The following UCMA variants were observed in gnomAD, a reference collection of about 807,000 sequenced individuals.
The protein encoded by UCMA is upper zone of growth plate and cartilage matrix-associated protein.
A neutral mutation model predicts 21.8 loss-of-function variants in UCMA; 21 were observed. The observed-to-expected ratio is 0.97, with a 90% confidence interval of 0.68 to 1.39. The LOEUF is 1.39. UCMA is among the 40% of genes most tolerant of loss of function. The pLI is 0.00. For synonymous variants in UCMA, 76 were observed against 67.9 expected (o/e 1.12, Z -0.58); for missense variants, 193 against 178.9 (o/e 1.08, Z -0.45).
In UCMA at chr10:13,234,290, C is replaced by T. The variant is rs1416552131; in HGVS notation, c.-32G>A. Reference sequence around the variant, plus strand: ...AGAGGTAGGGGCTCCGTCCAGGACCCACAAGGCAGACCAGGCGTCCTGCAC... The same window carrying T: ...AGAGGTAGGGGCTCCGTCCAGGACCTACAAGGCAGACCAGGCGTCCTGCAC... On this transcript the variant is annotated 5_prime_UTR_variant, in exon 1 of 5. Transcript: ENST00000378681. The T allele has an allele frequency of 3.7e-6, 6 of 1,611,028 alleles. No individual in the cohort carries two copies. The Admixed American group carries it at 1.0e-4, about 27-fold the overall frequency.
chr10:13,228,211 C>T (rs1834850182), intron 4 of UCMA, among the ~76,000 whole-genome samples: 1 of 152,012 alleles, frequency 6.6e-6, no homozygotes, highest in Non-Finnish European at 1.5e-5. Context: ...AGGTGTGCAC[C>T]ATCACGCCTG....
At position 13,222,212 on chromosome 10, in the gene UCMA, AGACAAAGCCACCTGTTAG is replaced by A. The variant is rs754108340; in HGVS notation, c.320-30_320-13del. The stretch of plus-strand genomic sequence containing the variant: ...CCTCTCTTCCTGCTCTGGGGAGGAA[AGACAAAGCCACCTGTTAG>A]GACAGGGGGACTCTGACCTGCCACT... On this transcript the variant is annotated splice_polypyrimidine_tract_variant and intron_variant, in intron 4 of 4. Coordinates refer to ENST00000378681, the MANE Select transcript of UCMA (RefSeq NM_145314.3). The A allele has an allele frequency of 2.5e-6, 4 of 1,612,802 alleles. No homozygotes were observed. Among genetic ancestry groups the A allele is most frequent in the Non-Finnish European group, 2.5e-6 (3 of 1,179,596 alleles).
chr10:13,232,419 C>A (rs1337340131), intron 3 of UCMA, among the ~76,000 whole-genome samples: 1 of 149,794 alleles, frequency 6.7e-6, no homozygotes, highest in African/African-American at 2.5e-5. Context: ...ATTTGCCTGG[C>A]CTAAAATCAT....
chr10:13,229,216 A>G (rs1834863814), intron 4 of UCMA, among the ~76,000 whole-genome samples: 1 of 152,120 alleles, frequency 6.6e-6, no homozygotes, highest in African/African-American at 2.4e-5. Context: ...GATTACAGGC[A>G]TGAGCGACTG....
At chr10:13,223,721 T>G (rs1834788448) in intron 4 of UCMA, among the ~76,000 whole-genome samples, 1 of 152,084 alleles carries the variant, frequency 6.6e-6, no homozygotes, top group African/African-American at 2.4e-5. Flanking sequence ...CCGCCTAATT[T>G]TTATATTTTT....
chr10:13,224,103 C>T (rs1834793741), intron 4 of UCMA, among the ~76,000 whole-genome samples: 2 of 152,254 alleles, frequency 1.3e-5, no homozygotes, highest in Non-Finnish European at 1.5e-5. Context: ...CTGGTAGGAT[C>T]GCTTGAAGCC....
At chr10:13,228,046 G>A (rs1227060915) in intron 4 of UCMA, among the ~76,000 whole-genome samples, 3 of 151,822 alleles carry the variant, frequency 2.0e-5, no homozygotes, top group African/African-American at 7.3e-5. Flanking sequence ...TGGACTCTCT[G>A]GTCTAGGCCT....
At chr10:13,233,510 C>G (rs7893239) in intron 3 of UCMA, 28 bp downstream of exon 3, 483,648 of 1,587,584 alleles carry the variant, frequency 0.3, 76,089 homozygotes, top group Admixed American at 0.47. Flanking sequence ...GTGATGGACG[C>G]GGGATGGGGT....
rs1004090391 is a variant in UCMA at position 13,221,880 on chromosome 10, T to G, written c.*223A>C. ...CTGTAGGTTTGGTACTAGGAGGCCC[T>G]GCAGGCAGTTGCTCACCTCAGAAGA... On this transcript the variant is annotated 3_prime_UTR_variant, in exon 5 of 5. Coordinates refer to ENST00000378681, the MANE Select transcript of UCMA (RefSeq NM_145314.3). The G allele has an allele frequency of 1.8e-5, 10 of 565,450 alleles. No homozygotes were observed. Among genetic ancestry groups the G allele is most frequent in the African/African-American group, 1.3e-4 (7 of 52,910 alleles). The allele number at this position is 565,450 out of a possible 1,614,324, so 35.0% of individuals were successfully genotyped here.
At chr10:13,224,050 A>G (rs1834793231) in intron 4 of UCMA, among the ~76,000 whole-genome samples, 2 of 152,164 alleles carry the variant, frequency 1.3e-5, no homozygotes, top group Admixed American at 1.3e-4. Flanking sequence ...TATGCTGGGC[A>G]TGGTGGCTCA....
chr10:13,233,439 C>T, intron 3 of UCMA, 99 bp downstream of exon 3: 1 of 962,578 alleles, frequency 1.0e-6, no homozygotes, highest in East Asian at 2.4e-5. Flanking sequence ...TCGTGCCCAG[C>T]TGCATCCTGC....
chr10:13,221,820 A>T lies in UCMA; in HGVS notation c.*283T>A, dbSNP rs1834760050. 4.7e-6 allele frequency: 2 copies of T among 428,530 alleles called. No homozygotes were observed. The highest frequency in any genetic ancestry group is 8.4e-6 in the Non-Finnish European group (2 of 238,288). The allele number at this position is 428,530 out of a possible 1,614,324, so 26.5% of individuals were successfully genotyped here. A position where few individuals can be genotyped will look rare whatever the true frequency, so the allele number is the denominator to read the frequency against. Reference sequence around the variant, plus strand: ...TAAGCAAACATGTGATTCTTGACTGATTCTTTTGCTTGGGAACGAAGCCAG... The same window carrying T: ...TAAGCAAACATGTGATTCTTGACTGTTTCTTTTGCTTGGGAACGAAGCCAG... On this transcript the variant is annotated 3_prime_UTR_variant, in exon 5 of 5. Transcript: ENST00000378681.
chr10:13,221,996 C>T lies in UCMA; in HGVS notation c.*107G>A. 1 of 1,189,422 alleles carries T rather than the reference C, an allele frequency of 8.4e-7. No homozygotes were observed. Among genetic ancestry groups the T allele is most frequent in the South Asian group, 1.4e-5 (1 of 73,666 alleles). The allele number at this position is 1,189,422 out of a possible 1,614,324, so 73.7% of individuals were successfully genotyped here. On this transcript the variant is annotated 3_prime_UTR_variant, in exon 5 of 5. Coordinates refer to ENST00000378681, the MANE Select transcript of UCMA (RefSeq NM_145314.3). ...AAGAGCTGCTGGCCACTGCAGACCC[C>T]AAGCTGAGACCCTCTGAAGGGCCGG...
At chr10:13,225,539 G>A (rs1326172416) in intron 4 of UCMA, among the ~76,000 whole-genome samples, 2 of 152,108 alleles carry the variant, frequency 1.3e-5, no homozygotes, top group South Asian at 2.1e-4. Flanking sequence ...GCAAGGCGTG[G>A]TGGTGGGTGC....
At chr10:13,226,140 C>T (rs11258275) in intron 4 of UCMA, among the ~76,000 whole-genome samples, 53,918 of 151,534 alleles carry the variant, frequency 0.36, 9,793 homozygotes, top group Admixed American at 0.41. Flanking sequence ...CTACTAGCCT[C>T]GTCTCCTTGA....
chr10:13,226,009 C>T (rs1187831425), intron 4 of UCMA, among the ~76,000 whole-genome samples: 2 of 152,120 alleles, frequency 1.3e-5, no homozygotes, highest in African/African-American at 2.4e-5. Flanking sequence ...TCACTCCATC[C>T]GGGGGCCAAT....
At chr10:13,223,563 T>C (rs1834786216) in intron 4 of UCMA, among the ~76,000 whole-genome samples, 1 of 152,132 alleles carries the variant, frequency 6.6e-6, no homozygotes, top group African/African-American at 2.4e-5. Context: ...GGCAAGTTTT[T>C]GTTTTTGTTG....
Position 13,234,281 on chromosome 10 carries a change from T to C in UCMA, c.-23A>G, listed in dbSNP as rs772139314. 24 of 1,612,396 alleles carry C rather than the reference T, an allele frequency of 1.5e-5. No homozygotes were observed. Among genetic ancestry groups the C allele is most frequent in the Non-Finnish European group, 1.9e-5 (23 of 1,179,616 alleles). ...CATCTTTGCAGAGGTAGGGGCTCCG[T>C]CCAGGACCCACAAGGCAGACCAGGC... On this transcript the variant is annotated 5_prime_UTR_variant, in exon 1 of 5. Coordinates refer to ENST00000378681, the MANE Select transcript of UCMA (RefSeq NM_145314.3).
At chr10:13,230,782 C>T (rs569013072) in intron 3 of UCMA, among the ~76,000 whole-genome samples, 12 of 152,262 alleles carry the variant, frequency 7.9e-5, no homozygotes, top group African/African-American at 2.4e-4. Context: ...TCAGGCCGGG[C>T]GTGGCGGCTC....
Sources: gnomAD v4.1 joint callset for allele counts (sites outside exome capture counted in the v4.1 genomes callset) on GRCh38, gnomAD v4.1.1 for gene constraint, MANE v1.5 for transcripts, NCBI Gene and HGNC (gene_info 2026-07-23, HGNC 2026-07-21) for gene names.